REEP3: variants seen among roughly 807,000 people sequenced by gnomAD.
REEP3 encodes receptor expression-enhancing protein 3.
REEP3 carries 20 observed loss-of-function variants against 41.3 expected under a neutral mutation model. That is an observed-to-expected ratio of 0.48 (90% CI 0.34 to 0.70). REEP3 has a LOEUF of 0.70. REEP3 is among the 30% of genes least tolerant of loss of function. The pLI, the probability that REEP3 is intolerant of heterozygous loss-of-function variation, is 0.01. For missense variants in REEP3, 271 were observed against 308.8 expected, an observed-to-expected ratio of 0.88 and a Z score of 0.92; for synonymous variants, 104 against 101.8, an observed-to-expected ratio of 1.02 and a Z score of -0.13.
intron 2 of REEP3, among the ~76,000 whole-genome samples, chr10:63,576,190 C>G (rs991290182): frequency 6.6e-6 from 1 of 152,120 alleles, no homozygotes; most frequent in African/African-American, 2.4e-5. Flanking sequence ...GAGCTCTGTG[C>G]CCATGAAAGG....
At chr10:63,591,367 CT>C (rs1229721470) in intron 2 of REEP3, among the ~76,000 whole-genome samples, 17 of 151,846 alleles carry the variant, frequency 1.1e-4, no homozygotes, top group African/African-American at 3.9e-4. Context: ...TAATTTTTGC[CT>C]GTATTCAACT....
chr10:63,546,482 T>G (rs943251497), intron 1 of REEP3, among the ~76,000 whole-genome samples: 2 of 152,198 alleles, frequency 1.3e-5, no homozygotes, highest in Admixed American at 1.3e-4. Flanking sequence ...GGACAAGTTA[T>G]TTATAAAATG....
rs1398669687 is a variant in REEP3, at chr10:63,594,765, T to G, written c.106-13T>G. ...TTCATCTGTTGTTTCATGAGTATTT[T>G]TATTATTTCCAGGTTCGATGGATGA... is the stretch of plus-strand genomic sequence containing the variant. On this transcript the variant is annotated splice_polypyrimidine_tract_variant and intron_variant, in intron 2 of 7. Coordinates refer to ENST00000373758, the MANE Select transcript of REEP3 (RefSeq NM_001001330.3). 1 of 1,562,784 alleles carries G rather than the reference T, an allele frequency of 6.4e-7. No individual in the cohort carries two copies. The highest frequency in any genetic ancestry group is 8.8e-7 in the Non-Finnish European group (1 of 1,133,470).
At chr10:63,548,709 C>T (rs1356278362) in intron 1 of REEP3, among the ~76,000 whole-genome samples, 2 of 151,776 alleles carry the variant, frequency 1.3e-5, no homozygotes, top group Admixed American at 1.3e-4. Context: ...AATGTAACTG[C>T]GATGGGCCCT....
At chr10:63,555,499 A>T (rs1019574545) in intron 1 of REEP3, among the ~76,000 whole-genome samples, 2 of 152,220 alleles carry the variant, frequency 1.3e-5, no homozygotes. Context: ...TAGGAAGTTT[A>T]TCACAGGGAG....
At position 63,554,373 on chromosome 10, in the gene REEP3, TA is replaced by T. The variant is rs201554814; in HGVS notation, c.33-11964del. Among the ~76,000 whole-genome samples the T allele has an allele frequency of 2.9e-3, 443 of 152,336 alleles. 3 individuals are homozygous for T. Among genetic ancestry groups the T allele is most frequent in the African/African-American group, 9.3e-3 (385 of 41,582 alleles). Reference sequence around the variant, plus strand: ...ATACAATCAGAAAATGGGTCTCAGATATTTTTTTTATATGACAGTAGTATGC... The same window carrying T: ...ATACAATCAGAAAATGGGTCTCAGATTTTTTTTTATATGACAGTAGTATGC... On this transcript the variant is annotated intron_variant, in intron 1 of 7. Coordinates refer to ENST00000373758, the MANE Select transcript of REEP3 (RefSeq NM_001001330.3).
chr10:63,571,071 C>T (rs1218905762), intron 2 of REEP3, among the ~76,000 whole-genome samples: 1 of 152,162 alleles, frequency 6.6e-6, no homozygotes, highest in Non-Finnish European at 1.5e-5. Context: ...GTCCTGATTG[C>T]ACCACTGCAC....
intron 5 of REEP3, among the ~76,000 whole-genome samples, chr10:63,606,505 C>T (rs1956230536): frequency 6.6e-6 from 1 of 152,122 alleles, no homozygotes; most frequent in Non-Finnish European, 1.5e-5. Context: ...CCCACCTTGG[C>T]CTCCCAAAGT....
intron 5 of REEP3, among the ~76,000 whole-genome samples, chr10:63,604,996 G>T (rs1023589107): frequency 6.6e-6 from 1 of 152,136 alleles, no homozygotes; most frequent in African/African-American, 2.4e-5. Context: ...AGAGGGGGCT[G>T]CTACTGGTAT....
At chr10:63,603,130 A>G (rs1028474590) in intron 5 of REEP3, among the ~76,000 whole-genome samples, 7 of 151,528 alleles carry the variant, frequency 4.6e-5, no homozygotes, top group Admixed American at 3.3e-4. Context: ...TGGCTAACAC[A>G]GTGAAACCCC....
intron 2 of REEP3, among the ~76,000 whole-genome samples, chr10:63,571,633 A>G (rs1185628432): frequency 6.6e-6 from 1 of 152,164 alleles, no homozygotes; most frequent in Non-Finnish European, 1.5e-5. Context: ...CCCTAATTTC[A>G]TCTGCAACCT....
intron 3 of REEP3, among the ~76,000 whole-genome samples, chr10:63,596,471 G>C (rs991027115): frequency 2.0e-5 from 3 of 152,094 alleles, no homozygotes; most frequent in African/African-American, 7.2e-5. Flanking sequence ...ATTGCAGTGT[G>C]GCAGAGACCT....
chr10:63,531,186 T>G (rs948390614), intron 1 of REEP3, among the ~76,000 whole-genome samples: 8 of 152,248 alleles, frequency 5.3e-5, no homozygotes, highest in African/African-American at 1.9e-4. Flanking sequence ...GGTTAGAGAT[T>G]ATTTTATGTA....
At chr10:63,600,275 G>C (rs1956160486) in intron 5 of REEP3, among the ~76,000 whole-genome samples, 3 of 152,052 alleles carry the variant, frequency 2.0e-5, no homozygotes, top group Admixed American at 1.3e-4. Context: ...AGAGGTCTTT[G>C]ACTCAAGTAT....
chr10:63,615,309 GT>G (rs1311053204), intron 6 of REEP3, among the ~76,000 whole-genome samples: 5 of 151,872 alleles, frequency 3.3e-5, no homozygotes, highest in Admixed American at 6.6e-5. Context: ...TCATTTTCGG[GT>G]TTTAAGTTAA....
intron 1 of REEP3, among the ~76,000 whole-genome samples, chr10:63,530,129 C>T (rs145513718): frequency 6.6e-6 from 1 of 151,586 alleles, no homozygotes; most frequent in Admixed American, 6.6e-5. Context: ...GAGAATGTAC[C>T]ATTTGTTAGG....
At chr10:63,558,246 T>G (rs1955708690) in intron 1 of REEP3, among the ~76,000 whole-genome samples, 1 of 152,190 alleles carries the variant, frequency 6.6e-6, no homozygotes, top group South Asian at 2.1e-4. Flanking sequence ...ACAGATAGGT[T>G]TACCTAGCTC....
intron 1 of REEP3, among the ~76,000 whole-genome samples, chr10:63,549,586 A>C (rs1955609249): frequency 6.6e-6 from 1 of 152,220 alleles, no homozygotes; most frequent in Non-Finnish European, 1.5e-5. Flanking sequence ...TGCTGATCTA[A>C]GTAACTTTGG....
At chr10:63,555,444 C>T (rs1328523408) in intron 1 of REEP3, among the ~76,000 whole-genome samples, 1 of 152,170 alleles carries the variant, frequency 6.6e-6, no homozygotes, top group African/African-American at 2.4e-5. Flanking sequence ...AGTGATCATG[C>T]ATGACCTTTG....
Sources: gnomAD v4.1 joint callset for allele counts (sites outside exome capture counted in the v4.1 genomes callset) on GRCh38, gnomAD v4.1.1 for gene constraint, MANE v1.5 for transcripts, NCBI Gene and HGNC (gene_info 2026-07-23, HGNC 2026-07-21) for gene names.